The following SPRY3 variants were observed in gnomAD, a reference collection of about 807,000 sequenced individuals.
SPRY3 encodes protein sprouty homolog 3.
A neutral mutation model predicts 20.2 loss-of-function variants in SPRY3; 15 were observed. That is an observed-to-expected ratio of 0.74 (90% CI 0.50 to 1.14). SPRY3 has a LOEUF of 1.14. Ranked by LOEUF, SPRY3 falls within the 50% of genes most tolerant of loss-of-function variation. The probability of loss-of-function intolerance (pLI) is 0.00; values close to 1 mark genes in which losing one functional copy is unlikely to be tolerated. For missense variants in SPRY3, 364 were observed against 363.9 expected (o/e 1.00, Z 0.00); for synonymous variants, 143 against 136.5 (o/e 1.05, Z -0.33).
rs142265304 is a variant in SPRY3, at chrX:155,752,631, G to A, written c.-281-15331G>A. ...CAAGAAAATACAGTTCTCAAAATGAGACATATAAATAGCCAATATTTATAT... is the reference window on the plus strand; with the variant it reads ...CAAGAAAATACAGTTCTCAAAATGAAACATATAAATAGCCAATATTTATAT... On this transcript the variant is annotated intron_variant, in intron 2 of 3. Transcript: ENST00000675360. Among the ~76,000 whole-genome samples, 371 of 151,734 alleles carry A rather than the reference G, an allele frequency of 2.4e-3. 2 individuals carry two copies. Among genetic ancestry groups the A allele is most frequent in the African/African-American group, 8.2e-3 (341 of 41,478 alleles).
chrX:155,768,780 G>C (rs306886), intron 3 of SPRY3, among the ~76,000 whole-genome samples: 38,594 of 152,106 alleles, frequency 0.25, 5,180 homozygotes, highest in Non-Finnish European at 0.32. Flanking sequence ...AGCACGTCTA[G>C]TTAGCCAATA....
intron 1 of SPRY3, among the ~76,000 whole-genome samples, chrX:155,643,164 T>C (rs905989221): frequency 4.5e-5 from 5 of 111,495 alleles, no homozygotes; most frequent in Non-Finnish European, 9.4e-5. Flanking sequence ...CAGTATTGGG[T>C]GCATATGTAT....
chrX:155,618,864 G>A (rs1012059394), intron 1 of SPRY3, among the ~76,000 whole-genome samples: 1 of 111,372 alleles, frequency 9.0e-6, no homozygotes, highest in Admixed American at 9.6e-5. Context: ...GTTTCTTCAT[G>A]TCTTTTGCCC....
chrX:155,686,565 G>T (rs1361429139), intron 2 of SPRY3, among the ~76,000 whole-genome samples: 1 of 111,296 alleles, frequency 9.0e-6, no homozygotes, highest in Non-Finnish European at 1.9e-5. Context: ...ATGAGTCAGG[G>T]TAACATCATG....
intron 2 of SPRY3, among the ~76,000 whole-genome samples, chrX:155,705,856 A>G (rs1393535585): frequency 4.0e-5 from 6 of 151,408 alleles, no homozygotes; most frequent in Admixed American, 3.3e-4. Context: ...TACTATGTAC[A>G]TAGCACATAG....
In SPRY3 at chrX:155,730,623, C is replaced by T. The variant is rs184181397; in HGVS notation, c.-281-37339C>T. Among the ~76,000 whole-genome samples the T allele has an allele frequency of 6.6e-4, 100 of 152,032 alleles. No individual in the cohort carries two copies. The East Asian group carries it at 0.019, about 29-fold the overall frequency. ...AGAACATGACAAGGATGCTTTTTTT[C>T]ACCACTGTTACTAACGTAGCATTAG... On this transcript the variant is annotated intron_variant, in intron 2 of 3. Transcript: ENST00000675360.
intron 2 of SPRY3, among the ~76,000 whole-genome samples, chrX:155,721,213 G>T (rs2091054937): frequency 6.6e-6 from 1 of 152,042 alleles, no homozygotes; most frequent in Admixed American, 6.5e-5. Context: ...AATTAGTAGT[G>T]AGCTTGAAGA....
rs1353700801 is a variant in SPRY3, at chrX:155,716,978, CAA to C, written c.-281-50981_-281-50980del. On this transcript the variant is annotated intron_variant, in intron 2 of 3. Transcript: ENST00000675360. The stretch of plus-strand genomic sequence containing the variant: ...GTGAAACCCTGTTTCCACTAAAATA[CAA>C]AATATATATATATATATATATATAT... Among the ~76,000 whole-genome samples, 5 of 54,570 alleles carry C rather than the reference CAA, an allele frequency of 9.2e-5. No individual in the cohort carries two copies. In the African/African-American group the frequency reaches 9.7e-4, roughly 11 times the overall value. 35.8% of individuals were successfully genotyped at this position (54,570 alleles called of 152,430 possible). A position where few individuals can be genotyped will look rare whatever the true frequency, so the allele number is the denominator to read the frequency against.
Position 155,689,790 on chromosome X carries a change from T to C in SPRY3, c.-282+32765T>C, listed in dbSNP as rs2068098248. 2.3e-5 allele frequency among the ~76,000 whole-genome samples: 2 copies of C among 86,924 alleles called. 1 individual carries two copies. The highest frequency in any genetic ancestry group is 4.3e-5 in the Non-Finnish European group (2 of 46,684). The allele number at this position is 86,924 out of a possible 115,157, so 75.5% of individuals were successfully genotyped here. ...ACAACTCCTGGATTCATTTATCTTT[T>C]GAATGGTTTCTCATGTCTCAATCTT... On this transcript the variant is annotated intron_variant, in intron 2 of 3. Coordinates refer to ENST00000675360, the Ensembl canonical transcript of SPRY3.
chrX:155,728,138 C>A (rs1426474653), intron 2 of SPRY3, among the ~76,000 whole-genome samples: 1 of 152,160 alleles, frequency 6.6e-6, no homozygotes, highest in Non-Finnish European at 1.5e-5. Flanking sequence ...TGCAGAACAG[C>A]AAATATTGCA....
downstream of SPRY3, chrX:155,779,422 C>G (rs775361001): frequency 3.6e-5 from 6 of 167,088 alleles, no homozygotes; most frequent in African/African-American, 1.4e-4. Flanking sequence ...TAGAACTGTA[C>G]TATGTTTGCC....
intron 1 of SPRY3, among the ~76,000 whole-genome samples, chrX:155,636,949 C>T (rs1319670366): frequency 9.8e-6 from 1 of 101,641 alleles, no homozygotes; most frequent in Non-Finnish European, 2.0e-5. Context: ...AAACCAAACA[C>T]CACATATTCT....
In SPRY3 at chrX:155,692,168, GTAAATGGGTACAGCTT is replaced by G. The variant is rs1282524999; in HGVS notation, c.-282+35146_-282+35161del. 4.6e-5 allele frequency among the ~76,000 whole-genome samples: 5 copies of G among 109,567 alleles called. No individual in the cohort carries two copies. In the East Asian group the frequency reaches 1.1e-3, roughly 25 times the overall value. The stretch of plus-strand genomic sequence containing the variant: ...GGGGAGGAGGGATAAAGAGGGAATA[GTAAATGGGTACAGCTT>G]TATATTTTACATTTAGCTCCCTGGT... On this transcript the variant is annotated intron_variant, in intron 2 of 3. Coordinates refer to ENST00000675360, the Ensembl canonical transcript of SPRY3.
At chrX:155,661,716 G>C (rs188970091) in intron 2 of SPRY3, among the ~76,000 whole-genome samples, 245 of 111,113 alleles carry the variant, frequency 2.2e-3, no homozygotes, top group Non-Finnish European at 3.7e-3. Context: ...TATTTCAAAG[G>C]CTTTCTTCAT....
intron 1 of SPRY3, 152 bp downstream of exon 1, chrX:155,612,799 G>C (rs2067833977): frequency 8.9e-6 from 1 of 112,198 alleles, no homozygotes; most frequent in South Asian, 3.9e-4. Flanking sequence ...CACCTGTGCT[G>C]GAGGTCGTGA....
intron 2 of SPRY3, among the ~76,000 whole-genome samples, chrX:155,719,758 C>T (rs1230731927): frequency 6.6e-6 from 1 of 152,058 alleles, no homozygotes; most frequent in Non-Finnish European, 1.5e-5. Context: ...GGGAAGGACC[C>T]AGTCCTGGCA....
chrX:155,670,189 C>G (rs2068036016), intron 2 of SPRY3, among the ~76,000 whole-genome samples: 1 of 111,707 alleles, frequency 9.0e-6, no homozygotes, highest in Non-Finnish European at 1.9e-5. Flanking sequence ...AGGTCTATCT[C>G]TGGTTCTAGA....
At chrX:155,752,296 A>G (rs760142045) in intron 2 of SPRY3, among the ~76,000 whole-genome samples, 1 of 151,846 alleles carries the variant, frequency 6.6e-6, no homozygotes, top group South Asian at 2.1e-4. Flanking sequence ...ATCAAAAAAT[A>G]TGAAATCATC....
chrX:155,645,700 G>A (rs781796768), intron 1 of SPRY3, among the ~76,000 whole-genome samples: 13 of 112,447 alleles, frequency 1.2e-4, no homozygotes, highest in Middle Eastern at 4.2e-3. Flanking sequence ...CAGAGGGTTG[G>A]GGGAAGGGTG....
Sources: gnomAD v4.1 joint callset for allele counts (sites outside exome capture counted in the v4.1 genomes callset) on GRCh38, gnomAD v4.1.1 for gene constraint, MANE v1.5 for transcripts, NCBI Gene and HGNC (gene_info 2026-07-23, HGNC 2026-07-21) for gene names.